Variants in ACSM6 observed in about 807,000 individuals in gnomAD.
ACSM6 encodes the protein acyl-CoA synthetase medium chain family member 6.
Under a neutral mutation model 51.1 loss-of-function variants are expected in ACSM6, and 35 were observed. The ratio of observed to expected loss-of-function variants is 0.69; its 90% confidence interval spans 0.52 to 0.91. The LOEUF (loss-of-function observed/expected upper bound fraction) is 0.91, where lower values mean the gene tolerates loss of function less well. ACSM6 is among the 40% of genes least tolerant of loss of function. The pLI, the probability that ACSM6 is intolerant of heterozygous loss-of-function variation, is 0.00. For synonymous variants in ACSM6, 172 were observed against 207.3 expected, an observed-to-expected ratio of 0.83 and a Z score of 1.46; for missense variants, 509 against 584.1, an observed-to-expected ratio of 0.87 and a Z score of 1.32.
intron 9 of ACSM6, among the ~76,000 whole-genome samples, chr10:95,223,972 CA>C (rs1299196998): frequency 1.3e-5 from 2 of 151,776 alleles, no homozygotes; most frequent in African/African-American, 4.8e-5. Flanking sequence ...GATCAATATA[CA>C]AAAAATTATT....
At chr10:95,200,508 G>C (rs1285768235) in intron 2 of ACSM6, among the ~76,000 whole-genome samples, 4 of 151,022 alleles carry the variant, frequency 2.6e-5, no homozygotes, top group Admixed American at 2.6e-4. Context: ...AAAAGAAGAA[G>C]AAGAGGAAGA....
At chr10:95,209,478 G>A (rs1347048421) in intron 4 of ACSM6, among the ~76,000 whole-genome samples, 1 of 152,122 alleles carries the variant, frequency 6.6e-6, no homozygotes, top group Non-Finnish European at 1.5e-5. Context: ...AAAAATGGGA[G>A]ACAAGAGAGA....
chr10:95,215,869 A>G (rs612490), intron 8 of ACSM6, among the ~76,000 whole-genome samples: 80,085 of 151,996 alleles, frequency 0.53, 22,020 homozygotes, highest in Middle Eastern at 0.66. Context: ...GTGTTCTCAC[A>G]GACAGGGAGA....
At chr10:95,219,368 T>TC (rs1168021440) in intron 8 of ACSM6, among the ~76,000 whole-genome samples, 1 of 149,902 alleles carries the variant, frequency 6.7e-6, no homozygotes, top group Non-Finnish European at 1.5e-5. Flanking sequence ...TTTAGTATAT[T>TC]TAAAAAAAAG....
At chr10:95,220,979 ATTTG>A (rs1246938391) in intron 9 of ACSM6, among the ~76,000 whole-genome samples, 2 of 151,836 alleles carry the variant, frequency 1.3e-5, no homozygotes, top group Non-Finnish European at 2.9e-5. Context: ...CTTAATTTTT[ATTTG>A]TTTGGGCCTT....
chr10:95,227,640 T>C (rs1025638283), intron 10 of ACSM6, among the ~76,000 whole-genome samples: 14 of 152,250 alleles, frequency 9.2e-5, no homozygotes, highest in African/African-American at 3.4e-4. Flanking sequence ...ACTGGGATTA[T>C]TGTGCTGTTT....
intron 10 of ACSM6, among the ~76,000 whole-genome samples, chr10:95,228,020 C>T (rs1300561460): frequency 2.0e-5 from 3 of 151,682 alleles, no homozygotes; most frequent in Non-Finnish European, 4.4e-5. Context: ...GGCAGTGAGC[C>T]GACATCACAC....
intron 2 of ACSM6, among the ~76,000 whole-genome samples, chr10:95,197,018 A>T (rs2034733053): frequency 6.6e-6 from 1 of 152,178 alleles, no homozygotes; most frequent in Admixed American, 6.5e-5. Context: ...TACTCCATCA[A>T]ATGCACTACA....
At chr10:95,215,771 A>G (rs201454625) in intron 8 of ACSM6, among the ~76,000 whole-genome samples, 1 of 152,226 alleles carries the variant, frequency 6.6e-6, no homozygotes, top group Non-Finnish European at 1.5e-5. Context: ...TCACAGTTCT[A>G]GAGGCTGGAA....
intron 8 of ACSM6, among the ~76,000 whole-genome samples, chr10:95,219,644 T>C (rs909043538): frequency 2.0e-5 from 3 of 152,220 alleles, no homozygotes; most frequent in Non-Finnish European, 2.9e-5. Flanking sequence ...TTTGAATATT[T>C]CACAGCCTGG....
chr10:95,195,213 T>A (rs531978213), intron 2 of ACSM6, among the ~76,000 whole-genome samples: 2 of 152,294 alleles, frequency 1.3e-5, no homozygotes, highest in East Asian at 3.9e-4. Flanking sequence ...CACAAAGTGC[T>A]GAAAAAGAAG....
At chr10:95,199,948 T>A (rs1334136583) in intron 2 of ACSM6, among the ~76,000 whole-genome samples, 2 of 152,200 alleles carry the variant, frequency 1.3e-5, no homozygotes, top group East Asian at 3.8e-4. Context: ...GTGTGGCCGT[T>A]CCTCAGGGAT....
At chr10:95,207,164 AC>A (rs755176315) in intron 3 of ACSM6, 43 bp from the exon 4 acceptor site, 1 of 1,587,030 alleles carries the variant, frequency 6.3e-7, no homozygotes, top group Non-Finnish European at 8.6e-7. Flanking sequence ...AAAATTCTCT[AC>A]TCAAAAGATA....
At chr10:95,217,665 A>C (rs1304986118) in intron 8 of ACSM6, among the ~76,000 whole-genome samples, 2 of 152,334 alleles carry the variant, frequency 1.3e-5, no homozygotes, top group East Asian at 3.9e-4. Flanking sequence ...CGTCCAAAAA[A>C]AATTCTTTGG....
intron 10 of ACSM6, chr10:95,225,952 C>T (rs1010736456): frequency 6.6e-6 from 1 of 152,204 alleles, no homozygotes; most frequent in African/African-American, 2.4e-5. Flanking sequence ...AAATGCCTCA[C>T]TTTCTAGGCT....
chr10:95,228,418 C>T (rs1000299014), intron 10 of ACSM6: 21 of 457,984 alleles, frequency 4.6e-5, no homozygotes, highest in South Asian at 7.7e-5. Context: ...GCCATCATTA[C>T]TCTTGTTTCT....
intron 2 of ACSM6, among the ~76,000 whole-genome samples, chr10:95,200,551 A>C (rs1253457686): frequency 7.7e-6 from 1 of 130,076 alleles, no homozygotes; most frequent in Non-Finnish European, 1.7e-5. Flanking sequence ...GATGAAAAGA[A>C]GAAGAAAGAA....
At chr10:95,203,686 T>A (rs2034815300) in intron 3 of ACSM6, among the ~76,000 whole-genome samples, 1 of 151,950 alleles carries the variant, frequency 6.6e-6, no homozygotes, top group Non-Finnish European at 1.5e-5. Flanking sequence ...CCAATATCAT[T>A]CCTCTTTATC....
At chr10:95,203,008 CAT>C (rs1164243622) in intron 3 of ACSM6, among the ~76,000 whole-genome samples, 1 of 151,172 alleles carries the variant, frequency 6.6e-6, no homozygotes, top group African/African-American at 2.4e-5. Context: ...CAGTCTGTGA[CAT>C]GTTAGGAACT....
Sources: allele counts gnomAD v4.1 joint callset (sites outside exome capture counted in the v4.1 genomes callset), GRCh38; gene constraint gnomAD v4.1.1; transcripts MANE v1.5; gene names NCBI Gene and HGNC (gene_info 2026-07-23, HGNC 2026-07-21).